The following PDS5B variants were observed in gnomAD, a reference collection of about 807,000 sequenced individuals.
PDS5B encodes the protein PDS5 cohesin associated factor B, also known as sister chromatid cohesion protein PDS5 homolog B.
A neutral mutation model predicts 184.1 loss-of-function variants in PDS5B; 51 were observed. The observed-to-expected ratio is 0.28, with a 90% CI of 0.22 to 0.35. The LOEUF (loss-of-function observed/expected upper bound fraction) is 0.35, where lower values mean the gene tolerates loss of function less well. Among genes scored for constraint, PDS5B ranks in the 10% least tolerant of loss-of-function variants. The pLI, the probability that PDS5B is intolerant of heterozygous loss-of-function variation, is 1.00. For missense variants in PDS5B, 1,180 were observed against 1,723.3 expected (o/e 0.68, Z 5.58); for synonymous variants, 566 against 569.2 (o/e 0.99, Z 0.08).
At chr13:32,625,776 A>C (rs9591183) in intron 1 of PDS5B, among the ~76,000 whole-genome samples, 2,375 of 152,076 alleles carry the variant, frequency 0.016, 63 homozygotes, top group African/African-American at 0.053. Context: ...TGCAATAAAA[A>C]AAAAAAAGTT....
intron 19 of PDS5B, among the ~76,000 whole-genome samples, chr13:32,723,520 CTT>C (rs1234367264): frequency 1.8e-4 from 27 of 147,606 alleles, no homozygotes; most frequent in Admixed American, 4.1e-4. Context: ...TTTTCATTGA[CTT>C]AGTACTGCAG....
chr13:32,617,229 T>A (rs1315984729), intron 1 of PDS5B, among the ~76,000 whole-genome samples: 1 of 152,194 alleles, frequency 6.6e-6, no homozygotes, highest in Non-Finnish European at 1.5e-5. Context: ...TAATATAATC[T>A]AGGGTGATGA....
At chr13:32,598,038 G>A (rs1457052356) in intron 1 of PDS5B, among the ~76,000 whole-genome samples, 6 of 151,858 alleles carry the variant, frequency 4.0e-5, no homozygotes, top group African/African-American at 1.5e-4. Flanking sequence ...CAGACGAGAC[G>A]TTTCCTTCCA....
chr13:32,737,380 T>C (rs972122143), intron 21 of PDS5B, among the ~76,000 whole-genome samples: 7 of 152,170 alleles, frequency 4.6e-5, no homozygotes, highest in Non-Finnish European at 8.8e-5. Context: ...ACAAGGCCTT[T>C]ACTTAATGGG....
At chr13:32,608,008 C>A (rs554932869) in intron 1 of PDS5B, among the ~76,000 whole-genome samples, 2 of 152,280 alleles carry the variant, frequency 1.3e-5, no homozygotes, top group South Asian at 4.1e-4. Context: ...CTTGCGCTTC[C>A]CGGGTGAGGT....
chr13:32,709,000 A>G (rs1952117027), intron 18 of PDS5B, among the ~76,000 whole-genome samples: 1 of 152,064 alleles, frequency 6.6e-6, no homozygotes, highest in Non-Finnish European at 1.5e-5. Context: ...GCCTGCTTAC[A>G]TCCCCTTACC....
intron 1 of PDS5B, among the ~76,000 whole-genome samples, chr13:32,595,663 A>G (rs1389606681): frequency 7.9e-5 from 12 of 152,216 alleles, no homozygotes; most frequent in Non-Finnish European, 1.6e-4. Flanking sequence ...TAGAAGATGA[A>G]AAGGAGAACT....
chr13:32,694,536 G>A (rs1951648218), intron 14 of PDS5B, among the ~76,000 whole-genome samples: 1 of 151,812 alleles, frequency 6.6e-6, no homozygotes, highest in Non-Finnish European at 1.5e-5. Flanking sequence ...GTGTGGGTCT[G>A]TGTACTCAAA....
At chr13:32,600,252 T>G (rs776298921) in intron 1 of PDS5B, among the ~76,000 whole-genome samples, 10 of 152,222 alleles carry the variant, frequency 6.6e-5, no homozygotes, top group Non-Finnish European at 1.5e-4. Flanking sequence ...CTTTTGACTC[T>G]TTTTTCCCCC....
At chr13:32,771,914 A>G (rs924940033) in intron 33 of PDS5B, among the ~76,000 whole-genome samples, 2 of 151,910 alleles carry the variant, frequency 1.3e-5, no homozygotes, top group African/African-American at 2.4e-5. Context: ...CACAAGTCCT[A>G]TGAATGTTCT....
intron 19 of PDS5B, among the ~76,000 whole-genome samples, chr13:32,724,441 A>G (rs958781459): frequency 2.1e-4 from 32 of 152,160 alleles, no homozygotes; most frequent in African/African-American, 7.5e-4. Flanking sequence ...TCTTTTAAGT[A>G]TCTTGTTTCT....
At chr13:32,667,106 A>C (rs1028976190) in intron 6 of PDS5B, among the ~76,000 whole-genome samples, 1 of 152,134 alleles carries the variant, frequency 6.6e-6, no homozygotes, top group African/African-American at 2.4e-5. Context: ...GGATATATAC[A>C]GTGTTCCTGT....
intron 1 of PDS5B, among the ~76,000 whole-genome samples, chr13:32,604,511 C>T (rs2058029926): frequency 6.6e-6 from 1 of 152,196 alleles, no homozygotes; most frequent in Admixed American, 6.5e-5. Context: ...CGATGTTCAT[C>T]AGGGATATTG....
chr13:32,603,211 A>G (rs369139300), intron 1 of PDS5B, among the ~76,000 whole-genome samples: 2 of 152,084 alleles, frequency 1.3e-5, no homozygotes, highest in East Asian at 1.9e-4. Flanking sequence ...TTTCTTCTAG[A>G]GTTTTTATGG....
chr13:32,700,612 G>A (rs1261998414), intron 16 of PDS5B, among the ~76,000 whole-genome samples: 1 of 151,998 alleles, frequency 6.6e-6, no homozygotes, highest in Non-Finnish European at 1.5e-5. Flanking sequence ...ACTGATTTGT[G>A]AGTTTGTCAT....
At chr13:32,621,696 C>A (rs1418243477) in intron 1 of PDS5B, among the ~76,000 whole-genome samples, 1 of 151,990 alleles carries the variant, frequency 6.6e-6, no homozygotes, top group African/African-American at 2.4e-5. Flanking sequence ...GAAATAACAT[C>A]TAAAATAGCA....
intron 1 of PDS5B, among the ~76,000 whole-genome samples, chr13:32,597,969 C>T (rs1048476317): frequency 1.8e-4 from 28 of 151,734 alleles, no homozygotes; most frequent in African/African-American, 6.3e-4. Context: ...GGCATTTAGT[C>T]TTTCCCCAGT....
At chr13:32,596,557 A>T (rs1299896561) in intron 1 of PDS5B, among the ~76,000 whole-genome samples, 1 of 152,196 alleles carries the variant, frequency 6.6e-6, no homozygotes, top group Non-Finnish European at 1.5e-5. Flanking sequence ...ATGTGTGTTT[A>T]ACTTTACAGG....
At chr13:32,724,967 T>G (rs1240945399) in intron 19 of PDS5B, among the ~76,000 whole-genome samples, 1 of 152,216 alleles carries the variant, frequency 6.6e-6, no homozygotes. Context: ...CAGGACTATT[T>G]TATAAGATTT....
Sources: gnomAD v4.1 joint callset for allele counts (sites outside exome capture counted in the v4.1 genomes callset) on GRCh38, gnomAD v4.1.1 for gene constraint, MANE v1.5 for transcripts, NCBI Gene and HGNC (gene_info 2026-07-23, HGNC 2026-07-21) for gene names.